The following CCSER1 variants were observed in gnomAD, a reference collection of about 807,000 sequenced individuals.
CCSER1 encodes coiled-coil serine rich protein 1.
CCSER1 carries 41 observed loss-of-function variants against 82.0 expected under a neutral mutation model. That is an observed-to-expected ratio of 0.50 (90% confidence interval 0.39 to 0.65). CCSER1 has a LOEUF of 0.65. Among genes scored for constraint, CCSER1 ranks in the 30% least tolerant of loss-of-function variants. CCSER1 has a pLI of 0.00. For synonymous variants in CCSER1, 414 were observed against 383.9 expected (o/e 1.08, Z -0.92); for missense variants, 1,119 against 1,064.2 (o/e 1.05, Z -0.72).
intron 6 of CCSER1, among the ~76,000 whole-genome samples, chr4:90,673,925 A>G (rs559406082): frequency 1.3e-5 from 2 of 152,132 alleles, no homozygotes; most frequent in Middle Eastern, 6.8e-3. Flanking sequence ...GGTGTTATCC[A>G]GAGGAGAAAC....
intron 10 of CCSER1, among the ~76,000 whole-genome samples, chr4:91,507,378 T>G (rs192515088): frequency 1.3e-5 from 2 of 152,178 alleles, no homozygotes; most frequent in Non-Finnish European, 2.9e-5. Flanking sequence ...CTTCAATTCA[T>G]GATGTTGGAC....
rs986770799 is a variant in CCSER1, at chr4:90,976,767, C to G, written c.2172+53320C>G. 5.9e-5 allele frequency among the ~76,000 whole-genome samples: 9 copies of G among 151,430 alleles called. No homozygotes were observed. In the Admixed American group the frequency reaches 5.9e-4, roughly 10 times the overall value. On this transcript the variant is annotated intron_variant, in intron 9 of 10. Coordinates refer to ENST00000509176, the MANE Select transcript of CCSER1 (RefSeq NM_001145065.2). ...AGACTTCATACTACTAAATTATCAG[C>G]AAGTGTAGGTGACCAAAATATGGAT...
chr4:91,239,153 C>T (rs1739256830), intron 10 of CCSER1, among the ~76,000 whole-genome samples: 1 of 143,422 alleles, frequency 7.0e-6, no homozygotes, highest in South Asian at 2.3e-4. Context: ...TGCATTAATT[C>T]ATCTAATCAT....
At chr4:90,254,486 G>C (rs1479942713) in intron 1 of CCSER1, among the ~76,000 whole-genome samples, 1 of 152,164 alleles carries the variant, frequency 6.6e-6, no homozygotes, top group East Asian at 1.9e-4. Context: ...GCTATGCCTG[G>C]GGGTAGATCT....
intron 6 of CCSER1, among the ~76,000 whole-genome samples, chr4:90,701,514 C>G (rs1438675923): frequency 6.6e-6 from 1 of 152,088 alleles, no homozygotes; most frequent in Admixed American, 6.6e-5. Context: ...TTTTCCAATT[C>G]TGTGAGGAAA....
At chr4:90,147,382 T>C (rs1726008497) in intron 1 of CCSER1, among the ~76,000 whole-genome samples, 2 of 152,186 alleles carry the variant, frequency 1.3e-5, no homozygotes, top group South Asian at 4.1e-4. Context: ...GTTTAATTTA[T>C]ATAACTGCTT....
intron 9 of CCSER1, among the ~76,000 whole-genome samples, chr4:91,038,328 G>A (rs902153636): frequency 1.3e-5 from 2 of 151,320 alleles, no homozygotes; most frequent in Non-Finnish European, 2.9e-5. Context: ...ATGACACAAT[G>A]TTTCCTAAAG....
At chr4:90,789,300 A>C (rs998975148) in intron 7 of CCSER1, among the ~76,000 whole-genome samples, 7 of 151,802 alleles carry the variant, frequency 4.6e-5, no homozygotes, top group Admixed American at 4.6e-4. Context: ...CTCCTTCTTA[A>C]ATTTGTTTGC....
chr4:91,224,172 G>T (rs1737971768), intron 10 of CCSER1, among the ~76,000 whole-genome samples: 1 of 151,720 alleles, frequency 6.6e-6, no homozygotes, highest in Non-Finnish European at 1.5e-5. Flanking sequence ...GGCTTAGAAA[G>T]CAAATTCGCT....
intron 10 of CCSER1, among the ~76,000 whole-genome samples, chr4:91,363,266 C>T (rs192211334): frequency 2.7e-4 from 41 of 151,382 alleles, no homozygotes; most frequent in African/African-American, 6.5e-4. Context: ...CTATAGTTTA[C>T]GTCTAGCAGA....
chr4:91,023,522 T>C (rs1332901463), intron 9 of CCSER1, among the ~76,000 whole-genome samples: 7 of 152,196 alleles, frequency 4.6e-5, no homozygotes, highest in African/African-American at 1.7e-4. Context: ...AACCATCTGA[T>C]CTTTGACAAA....
intron 9 of CCSER1, among the ~76,000 whole-genome samples, chr4:91,044,233 G>A (rs529529391): frequency 3.9e-5 from 6 of 152,172 alleles, no homozygotes; most frequent in East Asian, 1.9e-4. Flanking sequence ...GGAGGACTCC[G>A]GGAAAGAAAC....
intron 1 of CCSER1, among the ~76,000 whole-genome samples, chr4:90,195,193 G>T (rs1018820176): frequency 1.3e-5 from 2 of 152,070 alleles, no homozygotes; most frequent in East Asian, 3.9e-4. Flanking sequence ...AAACTTGGAA[G>T]GAACCAAGAT....
intron 10 of CCSER1, among the ~76,000 whole-genome samples, chr4:91,313,395 C>T (rs1285835343): frequency 6.6e-6 from 1 of 151,866 alleles, no homozygotes; most frequent in South Asian, 2.1e-4. Flanking sequence ...TTCTAAAGAT[C>T]TTATTTGGCT....
intron 6 of CCSER1, among the ~76,000 whole-genome samples, chr4:90,693,926 A>G (rs1384761533): frequency 2.0e-5 from 3 of 151,806 alleles, no homozygotes; most frequent in African/African-American, 7.2e-5. Context: ...GGAGAGAGAG[A>G]GGGGAAAGAA....
chr4:90,296,668 T>A (rs1422072569), intron 1 of CCSER1, among the ~76,000 whole-genome samples: 9 of 152,212 alleles, frequency 5.9e-5, no homozygotes, highest in Non-Finnish European at 8.8e-5. Context: ...TTAATTTTTG[T>A]ATAAGGTGTA....
chr4:91,388,208 T>C (rs1489528826), intron 10 of CCSER1, among the ~76,000 whole-genome samples: 1 of 152,030 alleles, frequency 6.6e-6, no homozygotes. Flanking sequence ...AACATTGGTA[T>C]TTATTAAAGC....
At chr4:90,815,218 A>G (rs1758842293) in intron 7 of CCSER1, among the ~76,000 whole-genome samples, 1 of 152,092 alleles carries the variant, frequency 6.6e-6, no homozygotes, top group Non-Finnish European at 1.5e-5. Flanking sequence ...AGATCTCATG[A>G]GAACTTTCTC....
chr4:90,880,482 C>T lies in CCSER1; in HGVS notation c.2095-42888C>T, dbSNP rs114205974. Among the ~76,000 whole-genome samples, 1,457 of 152,228 alleles carry T rather than the reference C, an allele frequency of 9.6e-3. 24 individuals are homozygous for T. The highest frequency in any genetic ancestry group is 0.033 in the African/African-American group (1,390 of 41,536). On this transcript the variant is annotated intron_variant, in intron 8 of 10. Coordinates refer to ENST00000509176, the MANE Select transcript of CCSER1 (RefSeq NM_001145065.2). ...CCTCCTCTCTTTGGGTCAACTGCAG[C>T]TTATTGGAGGTGTAGGTAAAGCACT...
Sources: allele counts gnomAD v4.1 joint callset (sites outside exome capture counted in the v4.1 genomes callset), GRCh38; gene constraint gnomAD v4.1.1; transcripts MANE v1.5; gene names NCBI Gene and HGNC (gene_info 2026-07-23, HGNC 2026-07-21).